REDIC1: variants seen among roughly 807,000 people sequenced by gnomAD.
REDIC1 encodes the protein regulator of DNA class I crossover intermediates 1.
At chr12:39,706,694 A>T in the REDIC1 span, among the ~76,000 whole-genome samples, 1 of 152,030 alleles carries the variant, frequency 6.6e-6, no homozygotes, top group East Asian at 1.9e-4. Flanking sequence ...GAACCCAGAA[A>T]CAATTCCACA....
the REDIC1 span, among the ~76,000 whole-genome samples, chr12:39,800,094 T>A: frequency 6.6e-6 from 1 of 152,134 alleles, no homozygotes; most frequent in Non-Finnish European, 1.5e-5. Flanking sequence ...CCCAATCTTC[T>A]AGGTACAATA....
the REDIC1 span, among the ~76,000 whole-genome samples, chr12:39,752,994 C>A: frequency 5.3e-5 from 8 of 152,318 alleles, no homozygotes; most frequent in South Asian, 1.7e-3. Context: ...GCGAGGCCCG[C>A]AGATTTGCAT....
chr12:39,789,311 A>T, the REDIC1 span, among the ~76,000 whole-genome samples: 1 of 151,880 alleles, frequency 6.6e-6, no homozygotes, highest in Non-Finnish European at 1.5e-5. Flanking sequence ...TTATTATATG[A>T]TTTATTTTAT....
At chr12:39,873,403 C>A in the REDIC1 span, among the ~76,000 whole-genome samples, 3 of 152,122 alleles carry the variant, frequency 2.0e-5, no homozygotes, top group African/African-American at 7.2e-5. Flanking sequence ...CCAAGTTCTA[C>A]CATATACATT....
the REDIC1 span, among the ~76,000 whole-genome samples, chr12:39,805,581 T>G: frequency 1.3e-5 from 2 of 152,138 alleles, no homozygotes; most frequent in African/African-American, 4.8e-5. Context: ...AACTGATCTA[T>G]TATATTTAAA....
the REDIC1 span, among the ~76,000 whole-genome samples, chr12:39,813,527 A>G: frequency 6.6e-6 from 1 of 152,230 alleles, no homozygotes; most frequent in Non-Finnish European, 1.5e-5. Context: ...GACTTAAAAA[A>G]TATATAACAA....
chr12:39,681,403 C>T, the REDIC1 span, among the ~76,000 whole-genome samples: 9 of 152,266 alleles, frequency 5.9e-5, no homozygotes, highest in East Asian at 9.6e-4. Flanking sequence ...ACCAAAATCT[C>T]AGTAACCACC....
At chr12:39,834,798 T>C in the REDIC1 span, among the ~76,000 whole-genome samples, 1 of 152,094 alleles carries the variant, frequency 6.6e-6, no homozygotes, top group Non-Finnish European at 1.5e-5. Flanking sequence ...TAGACTATTT[T>C]ATGGCAAAAT....
At chr12:39,696,541 T>A in the REDIC1 span, among the ~76,000 whole-genome samples, 1 of 6,304 alleles carries the variant, frequency 1.6e-4, no homozygotes, top group African/African-American at 3.0e-4. Flanking sequence ...AGACTCTGTC[T>A]CAAAAAAAAA....
At chr12:39,656,264 A>G in the REDIC1 span, among the ~76,000 whole-genome samples, 1 of 152,198 alleles carries the variant, frequency 6.6e-6, no homozygotes, top group African/African-American at 2.4e-5. Flanking sequence ...AAGCATATAC[A>G]GTTATGTGCT....
the REDIC1 span, among the ~76,000 whole-genome samples, chr12:39,695,915 G>C: frequency 6.6e-6 from 1 of 152,204 alleles, no homozygotes; most frequent in Non-Finnish European, 1.5e-5. Context: ...GAGAGAGACT[G>C]TTCATTTGGA....
the REDIC1 span, among the ~76,000 whole-genome samples, chr12:39,884,136 G>GTGTA: frequency 6.6e-6 from 1 of 152,064 alleles, no homozygotes; most frequent in Non-Finnish European, 1.5e-5. Context: ...TGTATTTTTA[G>GTGTA]TGTATGTATG....
chr12:39,684,094 A>G, the REDIC1 span: 1 of 963,662 alleles, frequency 1.0e-6, no homozygotes, highest in African/African-American at 1.8e-5. Flanking sequence ...ATTATGTTTC[A>G]CCAGATTTTT....
At chr12:39,835,688 G>T in the REDIC1 span, 1 of 152,068 alleles carries the variant, frequency 6.6e-6, no homozygotes, top group East Asian at 1.9e-4. Context: ...TACCAACTCT[G>T]TATCTGTAGA....
At chr12:39,768,360 G>A in the REDIC1 span, among the ~76,000 whole-genome samples, 1 of 152,086 alleles carries the variant, frequency 6.6e-6, no homozygotes. Flanking sequence ...GTTCACTGGA[G>A]TGGCACTTTT....
chr12:39,721,403 A>G, the REDIC1 span: 6 of 630,044 alleles, frequency 9.5e-6, no homozygotes, highest in Non-Finnish European at 1.4e-5. Context: ...GGTTCATGTT[A>G]AAACATTTTA....
chr12:39,877,612 T>A, the REDIC1 span, among the ~76,000 whole-genome samples: 1 of 152,170 alleles, frequency 6.6e-6, no homozygotes, highest in Admixed American at 6.5e-5. Context: ...TAGATCAGAA[T>A]AATCCACAAA....
chr12:39,711,518 T>G, the REDIC1 span, among the ~76,000 whole-genome samples: 1 of 138,454 alleles, frequency 7.2e-6, no homozygotes, highest in Non-Finnish European at 1.5e-5. Context: ...TGTGTATATA[T>G]GTGTATATGT....
chr12:39,684,631 T>C, the REDIC1 span, among the ~76,000 whole-genome samples: 1 of 152,178 alleles, frequency 6.6e-6, no homozygotes, highest in Non-Finnish European at 1.5e-5. Flanking sequence ...AGAACATGGT[T>C]CCCAATCCTG....
Sources: allele counts gnomAD v4.1 joint callset (sites outside exome capture counted in the v4.1 genomes callset), GRCh38; gene constraint gnomAD v4.1.1; transcripts MANE v1.5; gene names NCBI Gene and HGNC (gene_info 2026-07-23, HGNC 2026-07-21).